ATAD3B: variants seen among roughly 807,000 people sequenced by gnomAD.
The protein encoded by ATAD3B is ATPase family AAA domain-containing protein 3B.
ATAD3B carries 59 observed loss-of-function variants against 70.2 expected under a neutral mutation model. The observed-to-expected ratio is 0.84, with a 90% confidence interval of 0.68 to 1.04. The LOEUF is 1.04. Ranked by LOEUF, ATAD3B falls within the 50% of genes least tolerant of loss-of-function variation. The pLI is 0.00. For synonymous variants in ATAD3B, 423 were observed against 388.6 expected (o/e 1.09, Z -1.04); for missense variants, 961 against 913.4 (o/e 1.05, Z -0.67).
chr1:1,481,169 CA>C (rs1401299713), intron 5 of ATAD3B, among the ~76,000 whole-genome samples: 2 of 124,292 alleles, frequency 1.6e-5, no homozygotes, highest in African/African-American at 3.5e-5. Flanking sequence ...ATGGGAAGTA[CA>C]GGGGCCTTTT....
intron 1 of ATAD3B, among the ~76,000 whole-genome samples, chr1:1,473,134 CTTTTTTTTTTT>C (rs569834397): frequency 5.9e-5 from 5 of 84,396 alleles, no homozygotes; most frequent in East Asian, 5.2e-4. Flanking sequence ...GAAGGGATTC[CTTTTTTTTTTT>C]TTTTTTTTTT....
At chr1:1,490,057 C>CG in intron 13 of ATAD3B, 200 bp from the exon 14 acceptor site, 4 of 1,409,814 alleles carry the variant, frequency 2.8e-6, no homozygotes, top group Non-Finnish European at 3.7e-6. Flanking sequence ...AGAAGCCGGG[C>CG]GGGGGGCAGC....
chr1:1,483,250 C>T (rs1317393306), intron 7 of ATAD3B: 3 of 341,816 alleles, frequency 8.8e-6, no homozygotes, highest in Admixed American at 4.0e-5. Context: ...AGTCGAGATC[C>T]CGCCACTGCA....
In ATAD3B at chr1:1,480,794, G is replaced by C. The variant is rs1639870621; in HGVS notation, c.445-73G>C. 5 of 1,585,558 alleles carry C rather than the reference G, an allele frequency of 3.2e-6. 1 individual carries two copies. The highest frequency in any genetic ancestry group is 4.7e-5 in the East Asian group (2 of 42,654). ...GGAGTTCTGTGGTCCTGGGGCGGAC[G>C]CAACCTCTGGATTGGTGTTGAGCAT... is the stretch of plus-strand genomic sequence containing the variant. On this transcript the variant is annotated intron_variant, in intron 4 of 15. Coordinates refer to ENST00000673477, the MANE Select transcript of ATAD3B (RefSeq NM_031921.6).
Position 1,483,219 on chromosome 1 carries a change from C to T in ATAD3B, c.750+605C>T, listed in dbSNP as rs561946825. 80 of 353,998 alleles carry T rather than the reference C, an allele frequency of 2.3e-4. 1 individual carries two copies. The highest frequency in any genetic ancestry group is 1.5e-3 in the African/African-American group (71 of 46,328). The allele number at this position is 353,998 out of a possible 1,614,324, so 21.9% of individuals were successfully genotyped here. ...CTGAGGCAGGAGAATCACTTGAACC[C>T]GGGTGGTGGAGGTTGCAATGAGTCG... On this transcript the variant is annotated intron_variant, in intron 7 of 15. Transcript: ENST00000673477.
intron 1 of ATAD3B, among the ~76,000 whole-genome samples, chr1:1,473,703 C>T (rs1426992026): frequency 1.3e-5 from 2 of 151,848 alleles, no homozygotes; most frequent in African/African-American, 4.8e-5. Flanking sequence ...ACCACCTTGG[C>T]CAGGGTGGTC....
At chr1:1,475,856 T>A (rs1350099220) in intron 1 of ATAD3B, among the ~76,000 whole-genome samples, 1 of 150,380 alleles carries the variant, frequency 6.6e-6, no homozygotes, top group Non-Finnish European at 1.5e-5. Context: ...TCACTGGGGG[T>A]AGGAACTGTC....
At chr1:1,485,579 G>T (rs1640162344) in intron 8 of ATAD3B, among the ~76,000 whole-genome samples, 1 of 152,118 alleles carries the variant, frequency 6.6e-6, no homozygotes, top group Non-Finnish European at 1.5e-5. Flanking sequence ...GAAAATAAAA[G>T]CCAATAAGGA....
Position 1,489,252 on chromosome 1 carries a change from C to A in ATAD3B, c.1315C>A (p.His439Asn), listed in dbSNP as rs199745466. 2 of 1,613,608 alleles carry A rather than the reference C, an allele frequency of 1.2e-6. No individual in the cohort carries two copies. Among genetic ancestry groups the A allele is most frequent in the East Asian group, 4.5e-5 (2 of 44,880 alleles). ...AGCCACACTGAACGCCTTCCTGTAC[C>A]ACATGGGCCAACACAGCAACAAGTG... ...LRATLNAFLY[H>N]MGQHSNKFML... The change falls in exon 13 of 16, where the codon CAC (histidine) becomes AAC (asparagine). Residue 439 changes from histidine to asparagine, a missense_variant. Around this residue, in one of 4 missense-constraint regions of ATAD3B, gnomAD observed 417 missense variants for 335.0 expected, o/e 1.24. Coordinates refer to ENST00000673477, the MANE Select transcript of ATAD3B (RefSeq NM_031921.6).
chr1:1,487,785 C>T (rs1255439113), intron 11 of ATAD3B, 78 bp from the exon 12 acceptor site: 1 of 1,558,208 alleles, frequency 6.4e-7, no homozygotes, highest in East Asian at 2.2e-5. Context: ...GCCTGGCCTG[C>T]TCCTGCCGCG....
chr1:1,487,577 G>T (rs1440589134), intron 11 of ATAD3B, among the ~76,000 whole-genome samples: 1 of 151,808 alleles, frequency 6.6e-6, no homozygotes, highest in Admixed American at 6.6e-5. Flanking sequence ...GGCGGAGGCT[G>T]TTGCCCCATG....
intron 1 of ATAD3B, among the ~76,000 whole-genome samples, chr1:1,474,953 G>A (rs1468532387): frequency 3.3e-5 from 5 of 149,424 alleles, no homozygotes; most frequent in African/African-American, 5.0e-5. Context: ...GTTTTCACCC[G>A]CTAACTTCAC....
chr1:1,500,997 T>C (rs1432823781), downstream of ATAD3B, among the ~76,000 whole-genome samples: 2 of 152,168 alleles, frequency 1.3e-5, no homozygotes, highest in African/African-American at 4.8e-5. Context: ...GTATAGATGG[T>C]TCCTTCCTGG....
chr1:1,487,952 T>C (rs1181124599), intron 12 of ATAD3B, 38 bp downstream of exon 12: 1 of 1,611,014 alleles, frequency 6.2e-7, no homozygotes, highest in Non-Finnish European at 8.5e-7. Flanking sequence ...CACAGGAGGG[T>C]GGTCGGGTGG....
chr1:1,489,141 T>C, intron 12 of ATAD3B, 63 bp from the exon 13 acceptor site: 2 of 1,609,832 alleles, frequency 1.2e-6, no homozygotes, highest in Non-Finnish European at 8.5e-7. Flanking sequence ...TGTGGGACTT[T>C]CTGCTCTGGC....
At chr1:1,473,118 C>CAGACAGAA (rs1639416131) in intron 1 of ATAD3B, among the ~76,000 whole-genome samples, 1 of 145,882 alleles carries the variant, frequency 6.9e-6, no homozygotes, top group South Asian at 2.2e-4. Context: ...CCACAGCGCC[C>CAGACAGAA]AGACAGAAGG....
downstream of ATAD3B, among the ~76,000 whole-genome samples, chr1:1,500,986 G>T (rs1640933755): frequency 6.6e-6 from 1 of 152,078 alleles, no homozygotes; most frequent in Non-Finnish European, 1.5e-5. Context: ...ACTTAGAATT[G>T]GTATAGATGG....
rs141600731 is a variant in ATAD3B, at chr1:1,492,042, C to T, written c.1614+1371C>T. ...CTCTACAAAAAATGAAAAAATTGGC[C>T]GGACCTAGTGGCACATGCCTGTAAT... On this transcript the variant is annotated intron_variant, in intron 15 of 15. Transcript: ENST00000673477. Among the ~76,000 whole-genome samples, 130 of 151,978 alleles carry T rather than the reference C, an allele frequency of 8.6e-4. 1 individual carries two copies. Among genetic ancestry groups the T allele is most frequent in the African/African-American group, 3.0e-3 (123 of 41,486 alleles).
chr1:1,486,030 C>G, intron 9 of ATAD3B, 80 bp from the exon 10 acceptor site: 1 of 1,605,804 alleles, frequency 6.2e-7, no homozygotes, highest in Non-Finnish European at 8.5e-7. Context: ...GAGTCCGCAC[C>G]CGGGCATTCC....
Sources: gnomAD v4.1 joint callset for allele counts (sites outside exome capture counted in the v4.1 genomes callset) on GRCh38, gnomAD v4.1.1 for gene constraint, gnomAD v4.1.1 regional missense constraint, MANE v1.5 for transcripts, NCBI Gene and HGNC (gene_info 2026-07-23, HGNC 2026-07-21) for gene names.